The following RERE variants were observed in gnomAD, a reference collection of about 807,000 sequenced individuals.
RERE encodes the protein arginine-glutamic acid dipeptide repeats, also known as arginine-glutamic acid dipeptide repeats protein.
RERE carries 40 observed loss-of-function variants against 146.1 expected under a neutral mutation model. The observed-to-expected ratio is 0.27, with a 90% CI of 0.21 to 0.36. RERE has a LOEUF of 0.36. Ranked by LOEUF, RERE falls within the 10% of genes least tolerant of loss-of-function variation. The pLI, the probability that RERE is intolerant of heterozygous loss-of-function variation, is 1.00. For missense variants in RERE, 1,933 were observed against 2,138.7 expected, an observed-to-expected ratio of 0.90 and a Z score of 1.90; for synonymous variants, 1,003 against 866.0, an observed-to-expected ratio of 1.16 and a Z score of -2.78.
chr1:8,504,984 G>A (rs1189361397), intron 8 of RERE, among the ~76,000 whole-genome samples: 1 of 152,170 alleles, frequency 6.6e-6, no homozygotes, highest in Non-Finnish European at 1.5e-5. Context: ...CTAGAATGAG[G>A]CCGAACCTCT....
At chr1:8,639,277 C>T (rs532715741) in intron 2 of RERE, among the ~76,000 whole-genome samples, 2 of 152,302 alleles carry the variant, frequency 1.3e-5, no homozygotes, top group South Asian at 2.1e-4. Context: ...AGAATCCTGA[C>T]AACTGGGAGA....
chr1:8,395,171 T>C (rs1643014127), intron 12 of RERE, among the ~76,000 whole-genome samples: 1 of 152,028 alleles, frequency 6.6e-6, no homozygotes, highest in Admixed American at 6.6e-5. Flanking sequence ...AAAATAATAA[T>C]ACCAAAGAAT....
chr1:8,665,723 G>A, intron 1 of RERE, among the ~76,000 whole-genome samples: 1 of 152,100 alleles, frequency 6.6e-6, no homozygotes, highest in Admixed American at 6.6e-5. Flanking sequence ...AAATAATAAA[G>A]CAGCCAACAC....
chr1:8,537,170 C>T (rs1645737150), intron 7 of RERE, among the ~76,000 whole-genome samples: 1 of 152,164 alleles, frequency 6.6e-6, no homozygotes, highest in Non-Finnish European at 1.5e-5. Context: ...CGCCACTACA[C>T]TCCAGCTGAG....
At chr1:8,652,710 AT>A in intron 2 of RERE, among the ~76,000 whole-genome samples, 1 of 152,366 alleles carries the variant, frequency 6.6e-6, no homozygotes, top group Non-Finnish European at 1.5e-5. Context: ...ACTCACTATC[AT>A]AAGAACATGA....
intron 1 of RERE, among the ~76,000 whole-genome samples, chr1:8,797,905 A>G (rs559320642): frequency 6.6e-6 from 1 of 152,368 alleles, no homozygotes; most frequent in African/African-American, 2.4e-5. Context: ...GAGAACTTCA[A>G]GTTCAGCCTA....
rs34187776 is a variant in RERE at position 8,758,387 on chromosome 1, C to CT, written c.-145+58772dup. Among the ~76,000 whole-genome samples the CT allele has an allele frequency of 4.5e-3, 588 of 132,052 alleles. 3 individuals are homozygous for CT. Among genetic ancestry groups the CT allele is most frequent in the East Asian group, 0.012 (56 of 4,510 alleles). 86.6% of individuals were successfully genotyped at this position (132,052 alleles called of 152,430 possible). ...TGAGCCACCGTGCCTGGCCCTCAATCTTTTTTTTTTTTTTTTTTTAAAGAA... is the reference window on the plus strand; with the variant it reads ...TGAGCCACCGTGCCTGGCCCTCAATCTTTTTTTTTTTTTTTTTTTTAAAGAA... On this transcript the variant is annotated intron_variant, in intron 1 of 22. Transcript: ENST00000400908.
intron 1 of RERE, among the ~76,000 whole-genome samples, chr1:8,691,633 G>T (rs1019793240): frequency 6.6e-6 from 1 of 152,124 alleles, no homozygotes; most frequent in Non-Finnish European, 1.5e-5. Flanking sequence ...ATTATGTTCT[G>T]GGAGAAAGAT....
At chr1:8,776,743 C>G (rs1641070397) in intron 1 of RERE, among the ~76,000 whole-genome samples, 1 of 151,856 alleles carries the variant, frequency 6.6e-6, no homozygotes, top group South Asian at 2.1e-4. Flanking sequence ...TTTTTTGAGG[C>G]AGGGTGTCAC....
rs1570008533 is a variant in RERE at position 8,354,910 on chromosome 1, C to T, written c.*177G>A. On this transcript the variant is annotated 3_prime_UTR_variant, in exon 23 of 23. Coordinates refer to ENST00000400908, the MANE Select transcript of RERE (RefSeq NM_001042681.2). ...GAGATCCAAACCAGTCTCAGGAAAT[C>T]CTCTCGACAAACGAACACTACTATG... 1 of 612,198 alleles carries T rather than the reference C, an allele frequency of 1.6e-6. No individual in the cohort carries two copies. The highest frequency in any genetic ancestry group is 2.1e-5 in the South Asian group (1 of 47,528). The allele number at this position is 612,198 out of a possible 1,614,324, so 37.9% of individuals were successfully genotyped here. A position where few individuals can be genotyped will look rare whatever the true frequency, so the allele number is the denominator to read the frequency against.
chr1:8,628,622 C>G (rs555982630), intron 2 of RERE, among the ~76,000 whole-genome samples: 1 of 152,088 alleles, frequency 6.6e-6, no homozygotes, highest in Non-Finnish European at 1.5e-5. Context: ...AAGCCAAATT[C>G]TCATATAAAA....
intron 1 of RERE, among the ~76,000 whole-genome samples, chr1:8,748,694 AC>A (rs1464739189): frequency 1.3e-5 from 2 of 152,228 alleles, no homozygotes; most frequent in Non-Finnish European, 2.9e-5. Flanking sequence ...ATCGCCAAGT[AC>A]GAAAAACCTG....
chr1:8,707,631 C>A (rs1430925028), intron 1 of RERE, among the ~76,000 whole-genome samples: 2 of 152,208 alleles, frequency 1.3e-5, no homozygotes, highest in Non-Finnish European at 2.9e-5. Flanking sequence ...AATCAACATT[C>A]TTTCCTATAG....
chr1:8,737,723 A>C (rs958052552), intron 1 of RERE, among the ~76,000 whole-genome samples: 1 of 152,080 alleles, frequency 6.6e-6, no homozygotes, highest in Non-Finnish European at 1.5e-5. Context: ...GGTGTGAGCC[A>C]CCACACGTGG....
chr1:8,540,541 T>C (rs969458614), intron 7 of RERE, among the ~76,000 whole-genome samples: 1 of 152,218 alleles, frequency 6.6e-6, no homozygotes, highest in Non-Finnish European at 1.5e-5. Flanking sequence ...AGTCACATGA[T>C]CAATACAGGG....
intron 7 of RERE, among the ~76,000 whole-genome samples, chr1:8,517,060 G>A (rs1313982861): frequency 1.3e-5 from 2 of 152,070 alleles, no homozygotes; most frequent in Admixed American, 1.3e-4. Flanking sequence ...TGATAAAATG[G>A]CACAGAACTA....
At chr1:8,647,641 A>ATATGTGTG (rs371893375) in intron 2 of RERE, among the ~76,000 whole-genome samples, 3,569 of 148,546 alleles carry the variant, frequency 0.024, 70 homozygotes, top group East Asian at 0.054. Context: ...TAAAATATGT[A>ATATGTGTG]TGTGTGTGTG....
chr1:8,427,863 T>C (rs1644038283), intron 11 of RERE, among the ~76,000 whole-genome samples: 1 of 152,212 alleles, frequency 6.6e-6, no homozygotes, highest in Non-Finnish European at 1.5e-5. Context: ...AAGAGACTTC[T>C]GTTGCGGCTG....
chr1:8,484,166 A>G (rs959708760), intron 10 of RERE, among the ~76,000 whole-genome samples: 1 of 152,196 alleles, frequency 6.6e-6, no homozygotes, highest in African/African-American at 2.4e-5. Flanking sequence ...ATAAAGGTCT[A>G]TTTTGTAAAT....
Sources: gnomAD v4.1 joint callset for allele counts (sites outside exome capture counted in the v4.1 genomes callset) on GRCh38, gnomAD v4.1.1 for gene constraint, MANE v1.5 for transcripts, NCBI Gene and HGNC (gene_info 2026-07-23, HGNC 2026-07-21) for gene names.